Variants in FOXK2 observed in about 807,000 individuals in gnomAD.
FOXK2 encodes the protein forkhead box K2, also known as forkhead box protein K2.
In FOXK2, 24 loss-of-function variants were observed where a neutral mutation model predicts 53.3. The observed-to-expected ratio is 0.45, with a 90% CI of 0.33 to 0.63. The LOEUF (loss-of-function observed/expected upper bound fraction) is 0.63, where lower values mean the gene tolerates loss of function less well. FOXK2 is among the 30% of genes least tolerant of loss of function. The pLI is 0.03. For synonymous variants in FOXK2, 505 were observed against 407.1 expected (o/e 1.24, Z -2.89); for missense variants, 952 against 910.5 (o/e 1.05, Z -0.59).
At chr17:82,596,242 T>C (rs973345853) in intron 8 of FOXK2, 1 of 983,204 alleles carries the variant, frequency 1.0e-6, no homozygotes, top group Middle Eastern at 5.2e-4. Flanking sequence ...TCTTTTTCTT[T>C]CACGTTACTA....
intron 1 of FOXK2, 141 bp from the exon 2 acceptor site, chr17:82,563,213 C>A: frequency 1.3e-6 from 1 of 766,914 alleles, no homozygotes; most frequent in South Asian, 2.2e-5. Flanking sequence ...TGTTTGGCGA[C>A]TTATAATAAC....
At chr17:82,573,427 C>T (rs1403921889) in intron 4 of FOXK2, among the ~76,000 whole-genome samples, 1 of 152,016 alleles carries the variant, frequency 6.6e-6, no homozygotes, top group Non-Finnish European at 1.5e-5. Flanking sequence ...AGAGTAGTTC[C>T]ATATTCAGTT....
chr17:82,546,934 G>C (rs188974915), intron 1 of FOXK2, among the ~76,000 whole-genome samples: 252 of 151,986 alleles, frequency 1.7e-3, no homozygotes, highest in African/African-American at 5.8e-3. Flanking sequence ...AAAATTAGTC[G>C]GGCGTGGTGG....
At chr17:82,549,820 T>G (rs2044659221) in intron 1 of FOXK2, among the ~76,000 whole-genome samples, 1 of 152,246 alleles carries the variant, frequency 6.6e-6, no homozygotes. Flanking sequence ...ACATCCGCCA[T>G]TTCCTAATAT....
rs75410314 is a variant in FOXK2, at chr17:82,582,923, G to C, written c.1092G>C (p.Pro364=). 3.7e-5 allele frequency: 58 copies of C among 1,584,908 alleles called. 1 individual carries two copies. In the Middle Eastern group the frequency reaches 5.7e-4, roughly 15 times the overall value. ...CCTGCTTTAGAACCCCTCTGGGACC[G>C]CTCTCTTCTAGGTAAGGAAAAAGAA... is the stretch of plus-strand genomic sequence containing the variant. ...GVPCFRTPLG[P]LSSRSAPASP... The change falls in exon 5 of 9, where the codon CCG becomes CCC. Residue 364 remains proline, a synonymous_variant. Coordinates refer to ENST00000335255, the MANE Select transcript of FOXK2 (RefSeq NM_004514.4).
intron 8 of FOXK2, 94 bp downstream of exon 8, chr17:82,587,366 T>C (rs767619353): frequency 2.6e-5 from 25 of 963,844 alleles, no homozygotes; most frequent in Non-Finnish European, 4.1e-5. Context: ...GTAACAATTT[T>C]AGCTTTTGTC....
At chr17:82,578,094 T>C (rs781380611) in intron 4 of FOXK2, 10 of 152,368 alleles carry the variant, frequency 6.6e-5, no homozygotes, top group Non-Finnish European at 1.2e-4. Flanking sequence ...CCTTGCACTT[T>C]TGGAAGCGTT....
In FOXK2 at chr17:82,598,599, T is replaced by C. The variant is rs550203641; in HGVS notation, c.1787-2704T>C. Among the ~76,000 whole-genome samples the C allele has an allele frequency of 2.0e-5, 3 of 152,310 alleles. No individual in the cohort carries two copies. The East Asian group carries it at 5.8e-4, about 29-fold the overall frequency. ...CTCACGTGGTGATGGGGTGAAGGCATATTCACCCTTTTAGAATGAACTCAC... is the reference window on the plus strand; with the variant it reads ...CTCACGTGGTGATGGGGTGAAGGCACATTCACCCTTTTAGAATGAACTCAC... On this transcript the variant is annotated intron_variant, in intron 8 of 8. Coordinates refer to ENST00000335255, the MANE Select transcript of FOXK2 (RefSeq NM_004514.4).
chr17:82,587,276 A>T lies in FOXK2; in HGVS notation c.1786+4A>T. ...GTCCACGGCCAGGTGAACAATGGTA[A>T]GACATGCTGGTCGGTGGCTCCCCGT... On this transcript the variant is annotated splice_donor_region_variant and intron_variant, in intron 8 of 8. Transcript: ENST00000335255. 1 of 1,610,912 alleles carries T rather than the reference A, an allele frequency of 6.2e-7. No individual in the cohort carries two copies. The highest frequency in any genetic ancestry group is 1.1e-5 in the South Asian group (1 of 91,056).
intron 1 of FOXK2, among the ~76,000 whole-genome samples, chr17:82,555,595 G>GTCACTGTCACCGCTC (rs2044715656): frequency 6.6e-6 from 1 of 151,892 alleles, no homozygotes; most frequent in African/African-American, 2.4e-5. Context: ...AAAGAAATAG[G>GTCACTGTCACCGCTC]TCACTGTCAC....
rs2045393785 is a variant in FOXK2, at chr17:82,602,167, A to T, written c.*668A>T. ...TTACAGCAGCTGCCTGATGAATTTTATCCACCTCCATTTCAGCATGTGGCT... is the reference window on the plus strand; with the variant it reads ...TTACAGCAGCTGCCTGATGAATTTTTTCCACCTCCATTTCAGCATGTGGCT... On this transcript the variant is annotated 3_prime_UTR_variant, in exon 9 of 9. Coordinates refer to ENST00000335255, the MANE Select transcript of FOXK2 (RefSeq NM_004514.4). 6.6e-6 allele frequency: 1 copy of T among 152,154 alleles called. No individual in the cohort carries two copies. Among genetic ancestry groups the T allele is most frequent in the Non-Finnish European group, 1.5e-5 (1 of 68,046 alleles). 9.4% of individuals were successfully genotyped at this position (152,154 alleles called of 1,614,324 possible).
At chr17:82,571,930 C>T (rs928774253) in intron 4 of FOXK2, 60 bp downstream of exon 4, 64 of 1,445,364 alleles carry the variant, frequency 4.4e-5, no homozygotes, top group South Asian at 5.9e-5. Context: ...GAAAGTGGAG[C>T]GGCTGCTGTC....
chr17:82,539,965 C>CA (rs56214001), intron 1 of FOXK2, among the ~76,000 whole-genome samples: 7,112 of 119,862 alleles, frequency 0.059, 216 homozygotes, highest in Middle Eastern at 0.18. Context: ...GACTCCATCT[C>CA]AAAAAAAAAA....
At chr17:82,528,459 G>A (rs539502745) in intron 1 of FOXK2, among the ~76,000 whole-genome samples, 2 of 152,150 alleles carry the variant, frequency 1.3e-5, no homozygotes, top group African/African-American at 4.8e-5. Context: ...TTGGTTTTTG[G>A]AGCAATTTAT....
chr17:82,556,403 C>CA (rs2044724757), intron 1 of FOXK2, among the ~76,000 whole-genome samples: 1 of 151,786 alleles, frequency 6.6e-6, no homozygotes, highest in African/African-American at 2.4e-5. Flanking sequence ...AAGATTGTTC[C>CA]ATTGCACTCC....
intron 1 of FOXK2, among the ~76,000 whole-genome samples, chr17:82,562,383 C>A (rs1318170906): frequency 6.6e-6 from 1 of 152,142 alleles, no homozygotes; most frequent in African/African-American, 2.4e-5. Flanking sequence ...GAGTTCGAGA[C>A]CAGCCCGACC....
At chr17:82,576,057 G>A (rs1232110114) in intron 4 of FOXK2, among the ~76,000 whole-genome samples, 1 of 129,252 alleles carries the variant, frequency 7.7e-6, no homozygotes, top group African/African-American at 3.2e-5. Context: ...GTGTGCTCGG[G>A]TGGCGGCGGC....
chr17:82,573,627 C>T (rs1490381230), intron 4 of FOXK2, among the ~76,000 whole-genome samples: 2 of 150,794 alleles, frequency 1.3e-5, no homozygotes, highest in African/African-American at 4.9e-5. Flanking sequence ...TACCCATGTT[C>T]CAGTGACCAT....
chr17:82,571,977 G>T (rs1195093818), intron 4 of FOXK2, 107 bp downstream of exon 4: 2 of 1,140,580 alleles, frequency 1.8e-6, no homozygotes, highest in East Asian at 5.9e-5. Flanking sequence ...TAGAAGGGGG[G>T]GTTGGAGCCT....
Sources: allele counts gnomAD v4.1 joint callset (sites outside exome capture counted in the v4.1 genomes callset), GRCh38; gene constraint gnomAD v4.1.1; transcripts MANE v1.5; gene names NCBI Gene and HGNC (gene_info 2026-07-23, HGNC 2026-07-21).